Variants in KCNA6 observed in about 807,000 individuals in gnomAD.
KCNA6 encodes the protein human brain potassium channel-2.
Under a neutral mutation model 29.5 loss-of-function variants are expected in KCNA6, and 17 were observed. The observed-to-expected ratio is 0.58, with a 90% CI of 0.39 to 0.86. The LOEUF (loss-of-function observed/expected upper bound fraction) is 0.86, where lower values mean the gene tolerates loss of function less well. Ranked by LOEUF, KCNA6 falls within the 40% of genes least tolerant of loss-of-function variation. The pLI, the probability that KCNA6 is intolerant of heterozygous loss-of-function variation, is 0.00. For missense variants in KCNA6, 450 were observed against 703.4 expected (o/e 0.64, Z 4.07); for synonymous variants, 296 against 304.7 (o/e 0.97, Z 0.30).
chr12:4,827,194 TTCCTTCCTTCCC>T, the KCNA6 span, among the ~76,000 whole-genome samples: 1 of 54,838 alleles, frequency 1.8e-5, no homozygotes, highest in Non-Finnish European at 3.6e-5. Flanking sequence ...CCCTCCTTCC[TTCCTTCCTTCCC>T]TCCTTCCTTC....
the KCNA6 span, among the ~76,000 whole-genome samples, chr12:4,826,269 C>T: frequency 1.3e-5 from 2 of 152,120 alleles, no homozygotes; most frequent in Non-Finnish European, 2.9e-5. Flanking sequence ...GCTGAGGGCT[C>T]TTACCTCTGA....
the KCNA6 span, among the ~76,000 whole-genome samples, chr12:4,837,999 A>G: frequency 1.3e-5 from 2 of 151,960 alleles, no homozygotes; most frequent in Non-Finnish European, 2.9e-5. Flanking sequence ...CAAGTGTTCC[A>G]CTCTGAGAGA....
chr12:4,832,155 G>T, the KCNA6 span, among the ~76,000 whole-genome samples: 1 of 152,024 alleles, frequency 6.6e-6, no homozygotes, highest in Non-Finnish European at 1.5e-5. Flanking sequence ...CTTTTCTTCA[G>T]ACCCCGAGAG....
chr12:4,827,204 C>CCCTCCTTCCTTCCTTCCTT, the KCNA6 span, among the ~76,000 whole-genome samples: 4 of 120,390 alleles, frequency 3.3e-5, no homozygotes, highest in African/African-American at 1.3e-4. Context: ...TTCCTTCCTT[C>CCCTCCTTCCTTCCTTCCTT]CCTCCTTCCT....
chr12:4,827,206 C>CTCCTTCCTTCCTTCCT, the KCNA6 span, among the ~76,000 whole-genome samples: 939 of 113,894 alleles, frequency 8.2e-3, 12 homozygotes, highest in African/African-American at 0.022. Flanking sequence ...CCTTCCTTCC[C>CTCCTTCCTTCCTTCCT]TCCTTCCTTC....
chr12:4,849,489 CTTTTTTTTTTT>C, the KCNA6 span, among the ~76,000 whole-genome samples: 19 of 101,416 alleles, frequency 1.9e-4, no homozygotes, highest in African/African-American at 4.7e-4. Flanking sequence ...GATTTTTGCT[CTTTTTTTTTTT>C]TTTTTTTTTT....
chr12:4,836,236 A>G, the KCNA6 span, among the ~76,000 whole-genome samples: 10 of 151,888 alleles, frequency 6.6e-5, no homozygotes, highest in African/African-American at 1.9e-4. Context: ...GGCGCAAGCC[A>G]CCACGCCTGG....
chr12:4,819,743 AG>A, the KCNA6 span, among the ~76,000 whole-genome samples: 2 of 152,216 alleles, frequency 1.3e-5, no homozygotes, highest in Non-Finnish European at 2.9e-5. Context: ...CTCATGGTTG[AG>A]GATTCTGAGC....
the KCNA6 span, among the ~76,000 whole-genome samples, chr12:4,849,097 A>G: frequency 2.0e-5 from 3 of 152,072 alleles, no homozygotes. Flanking sequence ...CAGCCTGGCG[A>G]CAGAACGAGA....
At chr12:4,846,168 G>A in the KCNA6 span, among the ~76,000 whole-genome samples, 1 of 152,118 alleles carries the variant, frequency 6.6e-6, no homozygotes, top group Admixed American at 6.5e-5. Flanking sequence ...GAAAGCAAAG[G>A]TGTCACTATT....
the KCNA6 span, among the ~76,000 whole-genome samples, chr12:4,818,481 G>A: frequency 1.3e-5 from 2 of 152,146 alleles, no homozygotes; most frequent in African/African-American, 4.8e-5. Flanking sequence ...TTGTTTTGAG[G>A]ATTAAATGAA....
chr12:4,824,189 A>G, the KCNA6 span, among the ~76,000 whole-genome samples: 1 of 152,222 alleles, frequency 6.6e-6, no homozygotes, highest in Non-Finnish European at 1.5e-5. Context: ...TGTGGCGAGC[A>G]TTCAGCAAAA....
At chr12:4,818,855 CACACACACAT>C in the KCNA6 span, among the ~76,000 whole-genome samples, 6 of 143,268 alleles carry the variant, frequency 4.2e-5, no homozygotes, top group African/African-American at 1.3e-4. Flanking sequence ...CACACACACA[CACACACACAT>C]ATGCATATAC....
rs1457309542 is a variant in KCNA6 at position 4,810,282 on chromosome 12, A to G, written c.241A>G (p.Arg81Gly). ...GCGAGTCCGCTTCTTCGACCCCCTGAGGAACGAGTACTTCTTCGACCGCAA... is the reference window on the plus strand; with the variant it reads ...GCGAGTCCGCTTCTTCGACCCCCTGGGGAACGAGTACTTCTTCGACCGCAA... Residue 81 changes from arginine (R) to glycine (G), a missense_variant, in exon 1 of 1, where the codon AGG becomes GGG. Physicochemically the swap from Arg to Gly is moderately radical, Grantham distance 125. This residue lies in a region of KCNA6 where 133 missense variants were observed against 217.5 expected (regional missense o/e 0.61). Coordinates refer to ENST00000280684, the Ensembl canonical transcript of KCNA6. This position sits in a 1 kb window ranked among gnomAD's most constrained non-coding sequence, Gnocchi z 7.5. The G allele has an allele frequency of 1.2e-6, 2 of 1,613,920 alleles. No homozygotes were observed. Among genetic ancestry groups the G allele is most frequent in the Non-Finnish European group, 1.7e-6 (2 of 1,180,038 alleles).
the KCNA6 span, among the ~76,000 whole-genome samples, chr12:4,819,340 G>A: frequency 6.6e-6 from 1 of 152,220 alleles, no homozygotes; most frequent in African/African-American, 2.4e-5. Context: ...GAACCCACAA[G>A]CCAGCCCCTG....
the KCNA6 span, chr12:4,842,803 T>C: frequency 0.71 from 107,683 of 152,112 alleles, 38,949 homozygotes; most frequent in African/African-American, 0.77. Context: ...ATAGCCTAAC[T>C]ATATCAAATG....
At chr12:4,845,736 A>C in the KCNA6 span, among the ~76,000 whole-genome samples, 2 of 152,280 alleles carry the variant, frequency 1.3e-5, no homozygotes, top group Middle Eastern at 6.8e-3. Context: ...GGCCATTTTC[A>C]TGTGTCGTTT....
chr12:4,828,519 A>C, the KCNA6 span, among the ~76,000 whole-genome samples: 2 of 152,246 alleles, frequency 1.3e-5, no homozygotes, highest in Non-Finnish European at 2.9e-5. Flanking sequence ...ATGTAAACAA[A>C]GTGAGCAATT....
the KCNA6 span, among the ~76,000 whole-genome samples, chr12:4,834,734 C>T: frequency 4.6e-5 from 7 of 152,282 alleles, no homozygotes; most frequent in East Asian, 9.6e-4. Context: ...AGTTGAAACC[C>T]GCAACTGGGA....
Sources: gnomAD v4.1 joint callset for allele counts (sites outside exome capture counted in the v4.1 genomes callset) on GRCh38, gnomAD v4.1.1 for gene constraint, gnomAD v4.1.1 regional missense constraint, Gnocchi (gnomAD v3.1) non-coding constraint, MANE v1.5 for transcripts, NCBI Gene and HGNC (gene_info 2026-07-23, HGNC 2026-07-21) for gene names.